The following CENPF variants were observed in gnomAD, a reference collection of about 807,000 sequenced individuals.
CENPF encodes centromere protein F, also known as AH antigen.
In CENPF, 214 loss-of-function variants were observed where a neutral mutation model predicts 307.3. That is an observed-to-expected ratio of 0.70 (90% CI 0.62 to 0.78). CENPF has a LOEUF of 0.78. Among genes scored for constraint, CENPF ranks in the 30% least tolerant of loss-of-function variants. The pLI, the probability that CENPF is intolerant of heterozygous loss-of-function variation, is 0.00. For missense variants in CENPF, 3,401 were observed against 3,483.9 expected, an observed-to-expected ratio of 0.98 and a Z score of 0.60; for synonymous variants, 1,259 against 1,270.6, an observed-to-expected ratio of 0.99 and a Z score of 0.19.
At position 214,641,858 on chromosome 1, in the gene CENPF, A is replaced by G. The variant is rs565381074; in HGVS notation, c.3520A>G (p.Ile1174Val). 1.2e-6 allele frequency: 2 copies of G among 1,608,256 alleles called. No individual in the cohort carries two copies. Among genetic ancestry groups the G allele is most frequent in the South Asian group, 2.2e-5 (2 of 89,220 alleles). ...HECQNLESEP[I>V]RNSVKERESE... Reference sequence around the variant, plus strand: ...ATGTCAAAATCTAGAATCAGAACCAATTAGGAACTCTGTGAAAGAAAGAGA... The same window carrying G: ...ATGTCAAAATCTAGAATCAGAACCAGTTAGGAACTCTGTGAAAGAAAGAGA... The change falls in exon 12 of 20, where the codon ATT becomes GTT. Residue 1174 changes from isoleucine to valine, a missense_variant. By Grantham distance (29) the Ile-to-Val change is conservative. Coordinates refer to ENST00000366955, the MANE Select transcript of CENPF (RefSeq NM_016343.4).
chr1:214,647,871 C>T, intron 13 of CENPF: 1 of 371,888 alleles, frequency 2.7e-6, no homozygotes, highest in Non-Finnish European at 5.5e-6. Flanking sequence ...GATTTGTAAC[C>T]AACAGAGCAC....
Position 214,663,831 on chromosome 1 carries a change from G to C in CENPF, c.*37G>C, listed in dbSNP as rs760680526. 1 of 1,547,138 alleles carries C rather than the reference G, an allele frequency of 6.5e-7. No individual in the cohort carries two copies. The highest frequency in any genetic ancestry group is 2.3e-5 in the East Asian group (1 of 43,780). On this transcript the variant is annotated 3_prime_UTR_variant, in exon 20 of 20. Coordinates refer to ENST00000366955, the MANE Select transcript of CENPF (RefSeq NM_016343.4). ...GTGTCAGTACCCCTGGGAGGTGCCA[G>C]TCATTGAATAGATAAGGCTGTGCCT... is the stretch of plus-strand genomic sequence containing the variant.
In CENPF at chr1:214,632,140, G is replaced by GA. The variant is rs201573046; in HGVS notation, c.1324-336dup. Among the ~76,000 whole-genome samples the GA allele has an allele frequency of 0.012, 1,863 of 152,132 alleles. 53 individuals are homozygous for GA. Among genetic ancestry groups the GA allele is most frequent in the African/African-American group, 0.043 (1,771 of 41,476 alleles). On this transcript the variant is annotated intron_variant, in intron 9 of 19. Coordinates refer to ENST00000366955, the MANE Select transcript of CENPF (RefSeq NM_016343.4). ...TGTCTTTTATTCTGTTATATATATT[G>GA]AAAATGTGTTCTCTTAGCCTGTTTC... is the stretch of plus-strand genomic sequence containing the variant.
At chr1:214,634,220 C>G (rs191022139) in intron 10 of CENPF, among the ~76,000 whole-genome samples, 8 of 152,232 alleles carry the variant, frequency 5.3e-5, no homozygotes, top group Non-Finnish European at 1.2e-4. Context: ...GTGTCTAGCA[C>G]CGGGCCTGGG....
At chr1:214,609,161 G>C (rs1490645778) in intron 1 of CENPF, among the ~76,000 whole-genome samples, 5 of 151,856 alleles carry the variant, frequency 3.3e-5, no homozygotes, top group African/African-American at 9.7e-5. Context: ...GTCCCTCCGC[G>C]CCCCGGCCGG....
At chr1:214,611,328 C>T (rs1218627230) in intron 1 of CENPF, among the ~76,000 whole-genome samples, 1 of 151,764 alleles carries the variant, frequency 6.6e-6, no homozygotes, top group Non-Finnish European at 1.5e-5. Context: ...GATGTTTTTC[C>T]ATTTGTGTCA....
At chr1:214,650,016 A>G (rs1318475560) in intron 14 of CENPF, among the ~76,000 whole-genome samples, 1 of 152,242 alleles carries the variant, frequency 6.6e-6, no homozygotes, top group Non-Finnish European at 1.5e-5. Flanking sequence ...GGCAACATGT[A>G]ACAAATAAGC....
In CENPF at chr1:214,657,269, A is replaced by G. The variant is rs200366505; in HGVS notation, c.8822A>G (p.Asn2941Ser). The G allele has an allele frequency of 1.4e-4, 228 of 1,614,058 alleles. No homozygotes were observed. The highest frequency in any genetic ancestry group is 1.8e-4 in the Non-Finnish European group (209 of 1,180,032). The change falls in exon 18 of 20, where the codon AAT becomes AGT. Residue 2941 changes from asparagine to serine, a missense_variant. Physicochemically the swap from Asn to Ser is conservative, Grantham distance 46 (BLOSUM62 1). Transcript: ENST00000366955. ...CAAAGATCCAGTGGAATATGGGAGA[A>G]TGGTAGAGGACCAACACCTGCTACC... ...KRQRSSGIWE[N>S]GRGPTPATPE...
At position 214,663,657 on chromosome 1, in the gene CENPF, G is replaced by T; in HGVS notation, c.9208G>T (p.Val3070Phe). The T allele has an allele frequency of 6.2e-7, 1 of 1,613,974 alleles. No homozygotes were observed. Among genetic ancestry groups the T allele is most frequent in the Non-Finnish European group, 8.5e-7 (1 of 1,180,000 alleles). ...CCTCCGAGAACCCACCACGAAATCC[G>T]TCCCAGTCAATAATCTTCCTGAGAG... is the stretch of plus-strand genomic sequence containing the variant. ...TILREPTTKS[V>F]PVNNLPERSP... is the part of the protein sequence containing the mutation. The change falls in exon 20 of 20, where the codon GTC becomes TTC. Residue 3070 changes from valine (V) to phenylalanine (F), a missense_variant. By Grantham distance (50) the Val-to-Phe change is conservative (BLOSUM62 -1). Transcript: ENST00000366955.
intron 1 of CENPF, among the ~76,000 whole-genome samples, chr1:214,606,725 C>T (rs1424856864): frequency 1.3e-5 from 2 of 152,014 alleles, no homozygotes; most frequent in African/African-American, 2.4e-5. Flanking sequence ...CCTCGGCCAC[C>T]TCAGCATCAC....
intron 1 of CENPF, among the ~76,000 whole-genome samples, chr1:214,610,200 T>C (rs1382887504): frequency 6.6e-6 from 1 of 152,170 alleles, no homozygotes; most frequent in Non-Finnish European, 1.5e-5. Context: ...TTCCTCTGGG[T>C]ATATACCCAG....
intron 1 of CENPF, among the ~76,000 whole-genome samples, chr1:214,609,529 T>A (rs1454194161): frequency 6.6e-6 from 1 of 152,010 alleles, no homozygotes; most frequent in African/African-American, 2.4e-5. Flanking sequence ...TGTCATGCAT[T>A]TTCTTTGTTT....
Position 214,656,992 on chromosome 1 carries a change from ACT to A in CENPF, c.8548_8549del (p.Leu2850Ter). On this transcript the variant is annotated frameshift_variant, in exon 18 of 20. Transcript: ENST00000366955. LOFTEE classifies it high-confidence loss of function. ...LTTEIKELKE[T>X]LEEKTKEADE... ...AACTGAGATCAAAGAACTGAAAGAA[ACT>A]CTTGAAGAAAAAACCAAGGAGGCAG... is the stretch of plus-strand genomic sequence containing the variant. The A allele has an allele frequency of 6.2e-7, 1 of 1,613,604 alleles. No individual in the cohort carries two copies. The highest frequency in any genetic ancestry group is 8.5e-7 in the Non-Finnish European group (1 of 1,179,926).
Position 214,613,847 on chromosome 1 carries a change from G to A in CENPF, c.93G>A (p.Lys31=), listed in dbSNP as rs778950087. The A allele has an allele frequency of 6.2e-7, 1 of 1,613,952 alleles. No homozygotes were observed. Among genetic ancestry groups the A allele is most frequent in the Admixed American group, 1.7e-5 (1 of 59,990 alleles). The part of the protein sequence containing the change: ...QELEGQLDKL[K]KEKQQRQFQL... ...TTGAAGGACAGCTTGACAAACTGAA[G>A]AAGGAAAAGCAGCAAAGGCAGTTTC... The change falls in exon 2 of 20, where the codon AAG becomes AAA. Residue 31 remains lysine (K), a synonymous_variant. Coordinates refer to ENST00000366955, the MANE Select transcript of CENPF (RefSeq NM_016343.4).
chr1:214,633,407 A>C (rs1461555212), intron 10 of CENPF, among the ~76,000 whole-genome samples: 7 of 152,256 alleles, frequency 4.6e-5, no homozygotes, highest in African/African-American at 1.7e-4. Context: ...AGAGCCATAA[A>C]TCAACATTGT....
At chr1:214,627,656 G>A (rs1226448748) in intron 7 of CENPF, among the ~76,000 whole-genome samples, 3 of 152,198 alleles carry the variant, frequency 2.0e-5, no homozygotes, top group East Asian at 1.9e-4. Flanking sequence ...GATTACAGGC[G>A]TGAGCCACTG....
At chr1:214,650,760 A>G (rs917695067) in intron 14 of CENPF, among the ~76,000 whole-genome samples, 1 of 152,122 alleles carries the variant, frequency 6.6e-6, no homozygotes, top group Non-Finnish European at 1.5e-5. Flanking sequence ...AAAATTAGCC[A>G]GACGTGGTGG....
rs759732876 is a variant in CENPF at position 214,640,324 on chromosome 1, C to T, written c.1986C>T (p.Asn662=). Residue 662 remains asparagine (N), a synonymous_variant, in exon 12 of 20, where the codon AAC becomes AAT. Transcript: ENST00000366955. ...AGCAAATAAAAAGTCATGAATACAA[C>T]GAGAGAGTAAGAACGCTGGAGATGG... ...KTQQIKSHEY[N]ERVRTLEMDR... 40 of 1,613,808 alleles carry T rather than the reference C, an allele frequency of 2.5e-5. No homozygotes were observed. Among genetic ancestry groups the T allele is most frequent in the East Asian group, 6.7e-5 (3 of 44,852 alleles).
In CENPF at chr1:214,641,328, G is replaced by C; in HGVS notation, c.2990G>C (p.Ser997Thr). 1 of 1,612,616 alleles carries C rather than the reference G, an allele frequency of 6.2e-7. No homozygotes were observed. ...GAGAAGATGAACTTAATCCAGAAAA[G>C]TGAGAGTTTTGCAAACTATATAGAT... is the stretch of plus-strand genomic sequence containing the variant. ...NQEKMNLIQK[S>T]ESFANYIDER... Residue 997 changes from serine (S) to threonine (T), a missense_variant, in exon 12 of 20, where the codon AGT (serine) becomes ACT (threonine). By Grantham distance (58) the Ser-to-Thr change is moderately conservative. Transcript: ENST00000366955.
Sources: allele counts gnomAD v4.1 joint callset (sites outside exome capture counted in the v4.1 genomes callset), GRCh38; gene constraint gnomAD v4.1.1; transcripts MANE v1.5; gene names NCBI Gene and HGNC (gene_info 2026-07-23, HGNC 2026-07-21).